Variants in GATA3 observed in about 807,000 individuals in gnomAD.
GATA3 encodes GATA binding protein 3.
In GATA3, 6 loss-of-function variants were observed where a neutral mutation model predicts 36.0. That is an observed-to-expected ratio of 0.17 (90% CI 0.09 to 0.33). The LOEUF is 0.33. Ranked by LOEUF, GATA3 falls within the 10% of genes least tolerant of loss-of-function variation. GATA3 has a pLI of 1.00. For missense variants in GATA3, 514 were observed against 610.1 expected (o/e 0.84, Z 1.66); for synonymous variants, 326 against 273.0 (o/e 1.19, Z -1.92).
At position 8,055,601 on chromosome 10, in the gene GATA3, C is replaced by CCA; in HGVS notation, c.-54_-53insAC. The CCA allele has an allele frequency of 6.5e-7, 1 of 1,534,032 alleles. No homozygotes were observed. The highest frequency in any genetic ancestry group is 1.2e-5 in the South Asian group (1 of 83,430). On this transcript the variant is annotated 5_prime_UTR_variant, in exon 2 of 6. Coordinates refer to ENST00000379328, the MANE Select transcript of GATA3 (RefSeq NM_001002295.2). The surrounding 1 kb of genome is among the most constrained non-coding windows in gnomAD (Gnocchi z 5.4). ...CCGACCTCCCAGGCGGACCGCCCTC[C>CCA]CTCCCCGCGCGCGGGTTCCGGGCCC...
chr10:8,058,243 CGGCCTCCCAG>C (rs1832676364), intron 2 of GATA3, 52 bp from the exon 3 acceptor site: 2 of 1,557,358 alleles, frequency 1.3e-6, no homozygotes, highest in Non-Finnish European at 1.8e-6. Flanking sequence ...GTGTCCCTGA[CGGCCTCCCAG>C]GGCCACACTC....
At chr10:8,063,313 A>G (rs571106426) in intron 3 of GATA3, among the ~76,000 whole-genome samples, 83 of 152,020 alleles carry the variant, frequency 5.5e-4, no homozygotes, top group African/African-American at 2.0e-3. Flanking sequence ...CTTTAACTTC[A>G]GTCTCCGTAA....
chr10:8,053,630 C>A (rs1252214717), upstream of GATA3: 1 of 152,314 alleles, frequency 6.6e-6, no homozygotes. This position sits in a 1 kb window ranked among gnomAD's most constrained non-coding sequence, Gnocchi z 5.1. Flanking sequence ...GCGTGCCCTC[C>A]GCCCCGGGGT....
At chr10:8,051,223 G>A (rs1392530129), upstream of GATA3, 1 of 414,806 alleles carries the variant, frequency 2.4e-6, no homozygotes, top group Non-Finnish European at 5.1e-6. Flanking sequence ...CCTACCGAGT[G>A]GAGAAAGTCC....
rs148835259 is a variant in GATA3 at position 8,058,769 on chromosome 10, C to A, written c.706C>A (p.Pro236Thr). ...VPEYSSGLFP[P>T]SSLLGGSPTG... ...CGAGTACAGCTCCGGACTCTTCCCC[C>A]CCAGCAGCCTGCTGGGCGGCTCCCC... Residue 236 changes from proline to threonine, a missense_variant, in exon 3 of 6, where the codon CCC (proline) becomes ACC (threonine). Pro to Thr is a conservative substitution (Grantham distance 38). Around this residue, in one of 3 missense-constraint regions of GATA3, gnomAD observed 381 missense variants for 354.3 expected, o/e 1.08. Coordinates refer to ENST00000379328, the MANE Select transcript of GATA3 (RefSeq NM_001002295.2). The A allele has an allele frequency of 2.0e-5, 33 of 1,610,702 alleles. 1 individual carries two copies. The highest frequency in any genetic ancestry group is 1.1e-4 in the East Asian group (5 of 44,846).
upstream of GATA3, chr10:8,050,915 C>G (rs185338557): frequency 2.2e-3 from 1,050 of 470,626 alleles, 6 homozygotes; most frequent in African/African-American, 0.019. Flanking sequence ...GGTCGGGCAG[C>G]GCGCGGGCGC....
Position 8,055,600 on chromosome 10 carries a change from C to A in GATA3, c.-56C>A. The stretch of plus-strand genomic sequence containing the variant: ...CCCGACCTCCCAGGCGGACCGCCCT[C>A]CCTCCCCGCGCGCGGGTTCCGGGCC... On this transcript the variant is annotated 5_prime_UTR_variant, in exon 2 of 6. Coordinates refer to ENST00000379328, the MANE Select transcript of GATA3 (RefSeq NM_001002295.2). This position sits in a 1 kb window ranked among gnomAD's most constrained non-coding sequence, Gnocchi z 5.4. 6.5e-7 allele frequency: 1 copy of A among 1,533,558 alleles called. No homozygotes were observed. The highest frequency in any genetic ancestry group is 8.7e-7 in the Non-Finnish European group (1 of 1,144,078). 95.0% of individuals were successfully genotyped at this position (1,533,558 alleles called of 1,614,324 possible).
chr10:8,055,522 C>T lies in GATA3; in HGVS notation c.-134C>T, dbSNP rs1588374462. 2 of 992,768 alleles carry T rather than the reference C, an allele frequency of 2.0e-6. No homozygotes were observed. Among genetic ancestry groups the T allele is most frequent in the Non-Finnish European group, 2.9e-6 (2 of 681,006 alleles). The allele number at this position is 992,768 out of a possible 1,614,324, so 61.5% of individuals were successfully genotyped here. On this transcript the variant is annotated 5_prime_UTR_variant, in exon 2 of 6. Coordinates refer to ENST00000379328, the MANE Select transcript of GATA3 (RefSeq NM_001002295.2). The surrounding 1 kb of genome is among the most constrained non-coding windows in gnomAD (Gnocchi z 5.4). ...CTTTGCTTCCCAGCCTTCCCATCCC[C>T]CCACCGAAAGCAAATCATTCAACGA...
At chr10:8,068,760 G>GA (rs894761177) in intron 4 of GATA3, among the ~76,000 whole-genome samples, 1 of 152,022 alleles carries the variant, frequency 6.6e-6, no homozygotes, top group African/African-American at 2.4e-5. Context: ...CTCAAAACGA[G>GA]AAAAAAAGAA....
intron 2 of GATA3, among the ~76,000 whole-genome samples, chr10:8,057,810 A>C (rs1832666120): frequency 6.6e-6 from 1 of 151,690 alleles, no homozygotes; most frequent in Non-Finnish European, 1.5e-5. Flanking sequence ...TCTGGTGTGG[A>C]GCAGTTGTGT....
At chr10:8,047,135 A>T (rs773842307) in intron 1 of GATA3, among the ~76,000 whole-genome samples, 2 of 152,196 alleles carry the variant, frequency 1.3e-5, no homozygotes, top group African/African-American at 2.4e-5. Context: ...AAGGGATGGG[A>T]GTGGGAAGCC....
chr10:8,056,543 G>GT (rs1286655992), intron 2 of GATA3, among the ~76,000 whole-genome samples: 8 of 148,136 alleles, frequency 5.4e-5, no homozygotes, highest in Admixed American at 2.0e-4. Context: ...GAAGGGGTTT[G>GT]GGGGGGAAGA....
chr10:8,062,353 A>G (rs1379157281), intron 3 of GATA3, among the ~76,000 whole-genome samples: 1 of 138,724 alleles, frequency 7.2e-6, no homozygotes, highest in African/African-American at 2.7e-5. Context: ...AACCTCTCTT[A>G]CATCCTCATT....
At chr10:8,067,447 T>C (rs1832860103) in intron 4 of GATA3, among the ~76,000 whole-genome samples, 1 of 152,214 alleles carries the variant, frequency 6.6e-6, no homozygotes, top group Non-Finnish European at 1.5e-5. Context: ...TTCAAAATTG[T>C]CACTGGGTTC....
In GATA3 at chr10:8,055,980, G is replaced by T; in HGVS notation, c.241+84G>T. 6.5e-7 allele frequency: 1 copy of T among 1,527,612 alleles called. No individual in the cohort carries two copies. The highest frequency in any genetic ancestry group is 8.9e-7 in the Non-Finnish European group (1 of 1,127,986). The allele number at this position is 1,527,612 out of a possible 1,614,324, so 94.6% of individuals were successfully genotyped here. On this transcript the variant is annotated intron_variant, in intron 2 of 5. Transcript: ENST00000379328. This position sits in a 1 kb window ranked among gnomAD's most constrained non-coding sequence, Gnocchi z 5.4. ...GAGGTCGGGAGGGACCTGAGGGCGG[G>T]GAGAGGTCAAGCGAAAGCCCCCATC...
At position 8,055,567 on chromosome 10, in the gene GATA3, A is replaced by C; in HGVS notation, c.-89A>C. On this transcript the variant is annotated 5_prime_UTR_variant, in exon 2 of 6. Coordinates refer to ENST00000379328, the MANE Select transcript of GATA3 (RefSeq NM_001002295.2). This position sits in a 1 kb window ranked among gnomAD's most constrained non-coding sequence, Gnocchi z 5.4. ...CAACGACCCCCGACCCTCCGACGGC[A>C]GGAGCCCCCCGACCTCCCAGGCGGA... 1 of 1,375,696 alleles carries C rather than the reference A, an allele frequency of 7.3e-7. No homozygotes were observed. Among genetic ancestry groups the C allele is most frequent in the Non-Finnish European group, 9.6e-7 (1 of 1,043,570 alleles). 85.2% of individuals were successfully genotyped at this position (1,375,696 alleles called of 1,614,324 possible).
chr10:8,064,830 A>G (rs1832809652), intron 4 of GATA3, among the ~76,000 whole-genome samples: 1 of 152,168 alleles, frequency 6.6e-6, no homozygotes, highest in South Asian at 2.1e-4. Context: ...TTGAACTACT[A>G]CCAGTAAGGT....
chr10:8,062,892 TC>T (rs1832773708), intron 3 of GATA3, among the ~76,000 whole-genome samples: 1 of 152,100 alleles, frequency 6.6e-6, no homozygotes, highest in African/African-American at 2.4e-5. Flanking sequence ...AAGGAGATTC[TC>T]CTAGAAAGCA....
At position 8,073,907 on chromosome 10, in the gene GATA3, A is replaced by G. The variant is rs959563634; in HGVS notation, c.1219A>G (p.Ile407Val). The change falls in exon 6 of 6, where the codon ATC becomes GTC. Residue 407 changes from isoleucine to valine, a missense_variant. Ile to Val is a conservative substitution (Grantham distance 29). Coordinates refer to ENST00000379328, the MANE Select transcript of GATA3 (RefSeq NM_001002295.2). ...CAGACACATGTCCTCCCTGAGCCAC[A>G]TCTCGCCCTTCAGCCACTCCAGCCA... ...LSRHMSSLSH[I>V]SPFSHSSHML... 1 of 1,613,900 alleles carries G rather than the reference A, an allele frequency of 6.2e-7. No homozygotes were observed. Among genetic ancestry groups the G allele is most frequent in the African/African-American group, 1.3e-5 (1 of 74,850 alleles).
Sources: allele counts gnomAD v4.1 joint callset (sites outside exome capture counted in the v4.1 genomes callset), GRCh38; gene constraint gnomAD v4.1.1; regional missense constraint gnomAD v4.1.1; non-coding constraint Gnocchi (gnomAD v3.1); transcripts MANE v1.5; gene names NCBI Gene and HGNC (gene_info 2026-07-23, HGNC 2026-07-21).